The following RBX1 variants were observed in gnomAD, a reference collection of about 807,000 sequenced individuals.
RBX1 encodes E3 ubiquitin-protein ligase RBX1.
For synonymous variants in RBX1, 48 were observed against 47.9 expected, an observed-to-expected ratio of 1.00 and a Z score of -0.01; for missense variants, 46 against 141.4, an observed-to-expected ratio of 0.33 and a Z score of 3.42.
chr22:40,970,327 G>T (rs903727267), intron 4 of RBX1, among the ~76,000 whole-genome samples: 1 of 150,948 alleles, frequency 6.6e-6, no homozygotes, highest in African/African-American at 2.4e-5. Flanking sequence ...CATCAGCCGG[G>T]GCAAAAGAGC....
rs767778926 is a variant in RBX1 at position 40,972,666 on chromosome 22, G to A, written c.*178G>A. On this transcript the variant is annotated 3_prime_UTR_variant, in exon 5 of 5. Coordinates refer to ENST00000216225, the MANE Select transcript of RBX1 (RefSeq NM_014248.4). The stretch of plus-strand genomic sequence containing the variant: ...ATAAAGTCCAGTTGGATTCTGGAAC[G>A]GATGCTCTCTCTTGTGTATGTGAAC... The A allele has an allele frequency of 4.2e-5, 24 of 577,716 alleles. No individual in the cohort carries two copies. Among genetic ancestry groups the A allele is most frequent in the Non-Finnish European group, 6.3e-5 (20 of 319,740 alleles). The allele number at this position is 577,716 out of a possible 1,614,324, so 35.8% of individuals were successfully genotyped here.
At chr22:40,953,450 C>T in intron 1 of RBX1, 105 bp from the exon 2 acceptor site, 1 of 748,034 alleles carries the variant, frequency 1.3e-6, no homozygotes, top group Non-Finnish European at 2.4e-6. Flanking sequence ...TTTGGTGGTT[C>T]CCTGTGGCCA....
rs1569044686 is a variant in RBX1 at position 40,964,212 on chromosome 22, C to CAAA, written c.228+95_228+96insAAA. Reference sequence around the variant, plus strand: ...TGAAAATAACTAGGGAAAAAAATGACTAGTCCACCTTTCTCCCAAAAGGTA... The same window carrying CAAA: ...TGAAAATAACTAGGGAAAAAAATGACAAATAGTCCACCTTTCTCCCAAAAGGTA... On this transcript the variant is annotated intron_variant, in intron 3 of 4. Transcript: ENST00000216225. 969 of 889,818 alleles carry CAAA rather than the reference C, an allele frequency of 1.1e-3. 17 individuals carry two copies. In the South Asian group the frequency reaches 0.013, roughly 12 times the overall value. 55.1% of individuals were successfully genotyped at this position (889,818 alleles called of 1,614,324 possible). A position where few individuals can be genotyped will look rare whatever the true frequency, so the allele number is the denominator to read the frequency against.
chr22:40,959,482 A>G (rs930731375), intron 2 of RBX1, among the ~76,000 whole-genome samples: 1 of 152,030 alleles, frequency 6.6e-6, no homozygotes, highest in South Asian at 2.1e-4. Flanking sequence ...TATCCCTCCT[A>G]TACATTTTTG....
At position 40,972,507 on chromosome 22, in the gene RBX1, A is replaced by T. The variant is rs1569046858; in HGVS notation, c.*19A>T. 5.7e-6 allele frequency: 9 copies of T among 1,592,078 alleles called. No homozygotes were observed. Among genetic ancestry groups the T allele is most frequent in the Non-Finnish European group, 7.8e-6 (9 of 1,160,036 alleles). ...GCACTAGGAAAAGACTTCTTCCATCAAGCTTAATTGTTTTGTTATTCATTT... is the reference window on the plus strand; with the variant it reads ...GCACTAGGAAAAGACTTCTTCCATCTAGCTTAATTGTTTTGTTATTCATTT... On this transcript the variant is annotated 3_prime_UTR_variant, in exon 5 of 5. Transcript: ENST00000216225.
Position 40,967,782 on chromosome 22 carries a change from T to C in RBX1, c.229-17T>C. 1.2e-6 allele frequency: 2 copies of C among 1,608,258 alleles called. No individual in the cohort carries two copies. The highest frequency in any genetic ancestry group is 1.7e-4 in the Middle Eastern group (1 of 6,046). ...CTGCATAGAGTTATTTTTAATAAAA[T>C]ATATGTTTTCTTTCAGCATGCTTTT... On this transcript the variant is annotated splice_polypyrimidine_tract_variant and intron_variant, in intron 3 of 4. Transcript: ENST00000216225.
intron 2 of RBX1, among the ~76,000 whole-genome samples, chr22:40,958,656 T>C (rs1367097026): frequency 6.6e-6 from 1 of 152,190 alleles, no homozygotes; most frequent in East Asian, 1.9e-4. Flanking sequence ...TGTGAGGTTT[T>C]ATTTTCTCTA....
intron 4 of RBX1, among the ~76,000 whole-genome samples, chr22:40,968,483 A>G (rs187669532): frequency 1.3e-5 from 2 of 152,186 alleles, no homozygotes; most frequent in Non-Finnish European, 2.9e-5. Flanking sequence ...ATGAGGCTCC[A>G]TGGACTACCT....
chr22:40,965,494 G>A (rs944419448), intron 3 of RBX1, among the ~76,000 whole-genome samples: 8 of 150,488 alleles, frequency 5.3e-5, no homozygotes, highest in Non-Finnish European at 7.4e-5. Context: ...AGGCTGGAGC[G>A]CAGTGACGCA....
chr22:40,965,248 A>G (rs1802379096), intron 3 of RBX1, among the ~76,000 whole-genome samples: 1 of 151,594 alleles, frequency 6.6e-6, no homozygotes, highest in African/African-American at 2.4e-5. Flanking sequence ...GCTTGTAGTG[A>G]GCCGAGACCA....
In RBX1 at chr22:40,972,586, T is replaced by C. The variant is rs913362364; in HGVS notation, c.*98T>C. 1 of 1,024,086 alleles carries C rather than the reference T, an allele frequency of 9.8e-7. No homozygotes were observed. The highest frequency in any genetic ancestry group is 2.4e-5 in the East Asian group (1 of 41,940). The allele number at this position is 1,024,086 out of a possible 1,614,324, so 63.4% of individuals were successfully genotyped here. A position where few individuals can be genotyped will look rare whatever the true frequency, so the allele number is the denominator to read the frequency against. On this transcript the variant is annotated 3_prime_UTR_variant, in exon 5 of 5. Coordinates refer to ENST00000216225, the MANE Select transcript of RBX1 (RefSeq NM_014248.4). ...CAAATTGGATGGAACTGTGTTTTTT[T>C]CTGCTTTGTTTTTTCAGTTTGCTGT...
chr22:40,959,488 T>C lies in RBX1; in HGVS notation c.158-4559T>C, dbSNP rs12159237. On this transcript the variant is annotated intron_variant, in intron 2 of 4. Transcript: ENST00000216225. The stretch of plus-strand genomic sequence containing the variant: ...TTGCAGTAATATCCCTCCTATACAT[T>C]TTTGTTCTTTGTTAGGAATTTTGTA... 1.5e-3 allele frequency among the ~76,000 whole-genome samples: 233 copies of C among 152,346 alleles called. 4 individuals carry two copies. Among genetic ancestry groups the C allele is most frequent in the African/African-American group, 5.3e-3 (219 of 41,590 alleles).
rs34618218 is a variant in RBX1, at chr22:40,952,983, CTTTTT to C, written c.79-551_79-547del. Among the ~76,000 whole-genome samples the C allele has an allele frequency of 8.7e-3, 755 of 86,824 alleles. 4 individuals are homozygous for C. The highest frequency in any genetic ancestry group is 0.028 in the African/African-American group (723 of 25,990). 57.0% of individuals were successfully genotyped at this position (86,824 alleles called of 152,430 possible). ...CTGCACAGAAATTCAAGTTTGTGCC[CTTTTT>C]TTTTTTTTTTTTTTTTTTTTGAGAT... On this transcript the variant is annotated intron_variant, in intron 1 of 4. Coordinates refer to ENST00000216225, the MANE Select transcript of RBX1 (RefSeq NM_014248.4).
chr22:40,960,102 C>T (rs547588467), intron 2 of RBX1, among the ~76,000 whole-genome samples: 2 of 151,710 alleles, frequency 1.3e-5, no homozygotes, highest in East Asian at 1.9e-4. Flanking sequence ...GGCAACAGAG[C>T]GAGACTGTCT....
chr22:40,967,703 A>T, intron 3 of RBX1, 96 bp from the exon 4 acceptor site: 1 of 873,698 alleles, frequency 1.1e-6, no homozygotes, highest in Non-Finnish European at 1.8e-6. Flanking sequence ...CTTGCCCACT[A>T]TATGTCACCC....
chr22:40,960,315 G>T (rs1030444917), intron 2 of RBX1, among the ~76,000 whole-genome samples: 1 of 152,116 alleles, frequency 6.6e-6, no homozygotes, highest in African/African-American at 2.4e-5. Flanking sequence ...TGTTAAGAGT[G>T]CCTGAAGGAG....
In RBX1 at chr22:40,973,191, G is replaced by A. The variant is rs574719043; in HGVS notation, c.*703G>A. ...GGAAGACGATTTTTCCATGGACCGGGGGTGGGGCGGGGGTGTGCTTGGGGA... is the reference window on the plus strand; with the variant it reads ...GGAAGACGATTTTTCCATGGACCGGAGGTGGGGCGGGGGTGTGCTTGGGGA... On this transcript the variant is annotated 3_prime_UTR_variant, in exon 5 of 5. Transcript: ENST00000216225. 6.8e-4 allele frequency: 104 copies of A among 152,448 alleles called. No homozygotes were observed. In the Middle Eastern group the frequency reaches 0.013, roughly 20 times the overall value. 9.4% of individuals were successfully genotyped at this position (152,448 alleles called of 1,614,324 possible). A position where few individuals can be genotyped will look rare whatever the true frequency, so the allele number is the denominator to read the frequency against.
At chr22:40,960,952 CAG>C (rs1428193783) in intron 2 of RBX1, among the ~76,000 whole-genome samples, 10 of 151,930 alleles carry the variant, frequency 6.6e-5, no homozygotes, top group Non-Finnish European at 1.5e-5. Flanking sequence ...TTAGAAGAGA[CAG>C]AGTTTCGCCA....
intron 2 of RBX1, among the ~76,000 whole-genome samples, chr22:40,954,660 A>G (rs1280608414): frequency 6.6e-6 from 1 of 151,520 alleles, no homozygotes. Flanking sequence ...ATAGGAACTT[A>G]TTTTTCAGAT....
Sources: allele counts gnomAD v4.1 joint callset (sites outside exome capture counted in the v4.1 genomes callset), GRCh38; gene constraint gnomAD v4.1.1; transcripts MANE v1.5; gene names NCBI Gene and HGNC (gene_info 2026-07-23, HGNC 2026-07-21).